GPC6: variants seen among roughly 807,000 people sequenced by gnomAD.
GPC6 encodes glypican-6.
GPC6 carries 14 observed loss-of-function variants against 55.2 expected under a neutral mutation model. The ratio of observed to expected loss-of-function variants is 0.25; its 90% CI spans 0.17 to 0.40. The LOEUF (loss-of-function observed/expected upper bound fraction) is 0.40. Ranked by LOEUF, GPC6 falls within the 10% of genes least tolerant of loss-of-function variation. The pLI is 1.00. For missense variants in GPC6, 641 were observed against 708.5 expected (o/e 0.90, Z 1.08); for synonymous variants, 278 against 259.6 (o/e 1.07, Z -0.68).
chr13:93,454,938 G>A (rs1331711922), intron 1 of GPC6, among the ~76,000 whole-genome samples: 1 of 152,242 alleles, frequency 6.6e-6, no homozygotes, highest in Non-Finnish European at 1.5e-5. Context: ...CCCGCAGGAA[G>A]GCAGCCAAGG....
chr13:93,783,517 G>A (rs1156240869), intron 2 of GPC6, among the ~76,000 whole-genome samples: 9 of 152,064 alleles, frequency 5.9e-5, no homozygotes, highest in Middle Eastern at 3.4e-3. Flanking sequence ...TTTAATAATC[G>A]CCATTCTGAC....
chr13:94,388,128 G>T (rs560851997), intron 7 of GPC6, among the ~76,000 whole-genome samples: 2 of 152,288 alleles, frequency 1.3e-5, no homozygotes, highest in South Asian at 4.1e-4. Flanking sequence ...AGGATTCGTT[G>T]TTCACCTGAA....
chr13:94,115,101 TAGAA>T (rs1393798422), intron 4 of GPC6, among the ~76,000 whole-genome samples: 3 of 152,100 alleles, frequency 2.0e-5, no homozygotes, highest in Non-Finnish European at 4.4e-5. Flanking sequence ...ACTGAGAAAA[TAGAA>T]AGTGTACAAG....
At chr13:94,037,415 T>G (rs1883377494) in intron 4 of GPC6, among the ~76,000 whole-genome samples, 1 of 151,928 alleles carries the variant, frequency 6.6e-6, no homozygotes, top group Non-Finnish European at 1.5e-5. Context: ...AATATCTAAA[T>G]TATAAAATTA....
intron 2 of GPC6, among the ~76,000 whole-genome samples, chr13:93,680,401 A>C (rs531785274): frequency 4.6e-5 from 7 of 152,288 alleles, no homozygotes; most frequent in African/African-American, 1.7e-4. Flanking sequence ...TTTTTAAGCC[A>C]ACCAGTTTAT....
intron 2 of GPC6, among the ~76,000 whole-genome samples, chr13:93,829,701 A>G (rs1223464748): frequency 6.6e-6 from 1 of 152,210 alleles, no homozygotes; most frequent in African/African-American, 2.4e-5. Context: ...CATCTCATTT[A>G]TGGACTATTT....
At chr13:93,786,095 G>T (rs1205935562) in intron 2 of GPC6, among the ~76,000 whole-genome samples, 1 of 152,118 alleles carries the variant, frequency 6.6e-6, no homozygotes, top group Non-Finnish European at 1.5e-5. Flanking sequence ...AGGCCTCCTT[G>T]GTCAGTGTGG....
At chr13:94,182,106 G>A (rs182347109) in intron 4 of GPC6, among the ~76,000 whole-genome samples, 1 of 152,174 alleles carries the variant, frequency 6.6e-6, no homozygotes, top group African/African-American at 2.4e-5. Flanking sequence ...TATATGCCTT[G>A]GTTGTGTGGT....
At chr13:93,468,170 A>G (rs1245889080) in intron 1 of GPC6, among the ~76,000 whole-genome samples, 2 of 152,192 alleles carry the variant, frequency 1.3e-5, no homozygotes, top group Non-Finnish European at 2.9e-5. Context: ...CATAGAAAGT[A>G]AAATTTTTCA....
At chr13:94,301,516 C>T (rs1031034029) in intron 5 of GPC6, among the ~76,000 whole-genome samples, 16 of 152,284 alleles carry the variant, frequency 1.1e-4, no homozygotes, top group Admixed American at 3.9e-4. Context: ...CTGGAAAATA[C>T]AGATTATGGC....
chr13:94,180,324 C>T (rs1478831532), intron 4 of GPC6, among the ~76,000 whole-genome samples: 3 of 152,172 alleles, frequency 2.0e-5, no homozygotes, highest in African/African-American at 7.2e-5. Context: ...TGAGGCCTTA[C>T]CACATGTTTG....
chr13:93,693,579 A>C (rs1188863505), intron 2 of GPC6, among the ~76,000 whole-genome samples: 1 of 151,544 alleles, frequency 6.6e-6, no homozygotes, highest in Non-Finnish European at 1.5e-5. Flanking sequence ...CCTGGGCGCA[A>C]GCAATCCTCC....
At chr13:93,538,750 A>C (rs1882164021) in intron 1 of GPC6, among the ~76,000 whole-genome samples, 1 of 152,194 alleles carries the variant, frequency 6.6e-6, no homozygotes, top group South Asian at 2.1e-4. Context: ...GATATTCACA[A>C]AACCCTGTAT....
chr13:93,562,486 A>G (rs765037985), intron 2 of GPC6, among the ~76,000 whole-genome samples: 11 of 152,190 alleles, frequency 7.2e-5, no homozygotes, highest in African/African-American at 1.4e-4. Flanking sequence ...CAGTTTCTCT[A>G]TCTCAAAAGA....
intron 4 of GPC6, among the ~76,000 whole-genome samples, chr13:94,049,756 C>T (rs1023936883): frequency 6.6e-6 from 1 of 152,152 alleles, no homozygotes; most frequent in East Asian, 1.9e-4. Context: ...TAATTTATCA[C>T]AGTGTACTTT....
intron 3 of GPC6, among the ~76,000 whole-genome samples, chr13:93,944,838 G>T (rs944821876): frequency 1.3e-5 from 2 of 152,124 alleles, no homozygotes; most frequent in African/African-American, 4.8e-5. Context: ...AAGGGTTTGT[G>T]TTGGCTTCCA....
chr13:93,417,614 T>A (rs1471407787), intron 1 of GPC6, among the ~76,000 whole-genome samples: 1 of 152,132 alleles, frequency 6.6e-6, no homozygotes, highest in Non-Finnish European at 1.5e-5. Context: ...CAGTATTTTT[T>A]GAAATGTTTT....
At chr13:93,411,830 G>A (rs866997544) in intron 1 of GPC6, among the ~76,000 whole-genome samples, 2 of 151,526 alleles carry the variant, frequency 1.3e-5, no homozygotes, top group African/African-American at 2.4e-5. Flanking sequence ...GTGAATCCCC[G>A]TCTCTACTAA....
rs58206455 is a variant in GPC6 at position 93,669,833 on chromosome 13, GA to G, written c.319+124422del. ...ATTAGAGTGGGATTGAAAGCCTTAA[GA>G]AAAAAAAAAGCACATATTGATTAGT... On this transcript the variant is annotated intron_variant, in intron 2 of 8. Transcript: ENST00000377047. Among the ~76,000 whole-genome samples the G allele has an allele frequency of 6.4e-4, 95 of 147,996 alleles. 2 individuals carry two copies. The South Asian group carries it at 0.017, about 26-fold the overall frequency.
Sources: gnomAD v4.1 joint callset for allele counts (sites outside exome capture counted in the v4.1 genomes callset) on GRCh38, gnomAD v4.1.1 for gene constraint, MANE v1.5 for transcripts, NCBI Gene and HGNC (gene_info 2026-07-23, HGNC 2026-07-21) for gene names.